ESR1: variants seen among roughly 807,000 people sequenced by gnomAD.
ESR1 encodes the protein estrogen receptor.
A neutral mutation model predicts 52.7 loss-of-function variants in ESR1; 12 were observed. That is an observed-to-expected ratio of 0.23 (90% confidence interval 0.15 to 0.37). The LOEUF (loss-of-function observed/expected upper bound fraction) is 0.37, where lower values mean the gene tolerates loss of function less well. Among genes scored for constraint, ESR1 ranks in the 10% least tolerant of loss-of-function variants. The probability of loss-of-function intolerance (pLI) is 1.00; values close to 1 mark genes in which losing one functional copy is unlikely to be tolerated. For missense variants in ESR1, 584 were observed against 779.7 expected, an observed-to-expected ratio of 0.75 and a Z score of 2.99; for synonymous variants, 305 against 316.8, an observed-to-expected ratio of 0.96 and a Z score of 0.39.
intron 4 of ESR1, among the ~76,000 whole-genome samples, chr6:151,956,027 T>A (rs2036870133): frequency 6.6e-6 from 1 of 152,206 alleles, no homozygotes; most frequent in Non-Finnish European, 1.5e-5. Context: ...TCCAATTCCA[T>A]CCATGTTCCT....
At chr6:152,112,680 G>A (rs577418388) in intron 6 of ESR1, 4 of 152,292 alleles carry the variant, frequency 2.6e-5, no homozygotes, top group Non-Finnish European at 4.4e-5. Context: ...CCCAGCCCCA[G>A]AACGAAACTC....
intron 2 of ESR1, among the ~76,000 whole-genome samples, chr6:151,728,088 C>CTT (rs144707946): frequency 0.02 from 3,001 of 152,274 alleles, 36 homozygotes; most frequent in East Asian, 0.03. Context: ...TCAGGACACT[C>CTT]ACAGCTTTGT....
intron 2 of ESR1, among the ~76,000 whole-genome samples, chr6:151,864,642 T>A (rs2128294450): frequency 6.6e-6 from 1 of 152,286 alleles, no homozygotes. Flanking sequence ...TGCACACGTA[T>A]GTTTATTGCG....
chr6:151,980,960 T>G (rs923353691), intron 4 of ESR1, among the ~76,000 whole-genome samples: 2 of 152,168 alleles, frequency 1.3e-5, no homozygotes, highest in African/African-American at 4.8e-5. Context: ...TTTTGGCCTC[T>G]CAAAGTGCTG....
At chr6:151,944,568 T>C in intron 4 of ESR1, 60 bp downstream of exon 4, 1 of 1,469,404 alleles carries the variant, frequency 6.8e-7, no homozygotes, top group Non-Finnish European at 9.5e-7. Context: ...TGTTGTGATG[T>C]CATGGGAGAA....
At chr6:152,120,839 G>A (rs772634102) in intron 6 of ESR1, among the ~76,000 whole-genome samples, 20 of 152,150 alleles carry the variant, frequency 1.3e-4, no homozygotes, top group South Asian at 2.1e-4. Flanking sequence ...AAGCACAGAC[G>A]GCAGTTTCAG....
intron 4 of ESR1, among the ~76,000 whole-genome samples, chr6:151,951,645 C>A (rs2036336366): frequency 1.3e-5 from 2 of 152,142 alleles, no homozygotes; most frequent in South Asian, 4.1e-4. Context: ...AATAGGACAT[C>A]AAAATTGTTC....
intron 3 of ESR1, among the ~76,000 whole-genome samples, chr6:151,930,143 C>A (rs142528981): frequency 2.0e-5 from 2 of 99,498 alleles, no homozygotes; most frequent in South Asian, 2.8e-4. Context: ...GCCACCATGC[C>A]CGGCTAATTT....
At chr6:151,791,281 C>T (rs1373378460) in intron 2 of ESR1, among the ~76,000 whole-genome samples, 1 of 152,106 alleles carries the variant, frequency 6.6e-6, no homozygotes, top group African/African-American at 2.4e-5. Flanking sequence ...AATTGAATCA[C>T]GGGGGCGGGT....
At chr6:151,958,451 C>T (rs1330210318) in intron 4 of ESR1, among the ~76,000 whole-genome samples, 1 of 152,130 alleles carries the variant, frequency 6.6e-6, no homozygotes, top group Non-Finnish European at 1.5e-5. Flanking sequence ...TAAGGAGTGG[C>T]GGAGCTCTGG....
rs149414986 is a variant in ESR1, at chr6:151,817,284, C to CA, written c.452+8924dup. On this transcript the variant is annotated intron_variant, in intron 1 of 7. Coordinates refer to ENST00000206249, the MANE Select transcript of ESR1 (RefSeq NM_000125.4). Reference sequence around the variant, plus strand: ...ATCAGTAGTTAAGAAAAACAACAAACAAAACAAATTTTGGGGCTTTTCTCA... The same window carrying CA: ...ATCAGTAGTTAAGAAAAACAACAAACAAAAACAAATTTTGGGGCTTTTCTCA... Among the ~76,000 whole-genome samples, 168 of 152,260 alleles carry CA rather than the reference C, an allele frequency of 1.1e-3. 4 individuals carry two copies. In the East Asian group the frequency reaches 0.029, roughly 26 times the overall value.
intron 4 of ESR1, among the ~76,000 whole-genome samples, chr6:151,950,063 A>C (rs1335276469): frequency 6.6e-6 from 1 of 152,154 alleles, no homozygotes; most frequent in Non-Finnish European, 1.5e-5. Context: ...TGATGGTGTT[A>C]AAAAGGGGAG....
intron 5 of ESR1, among the ~76,000 whole-genome samples, chr6:152,021,480 A>T (rs901443365): frequency 1.3e-5 from 2 of 152,192 alleles, no homozygotes; most frequent in African/African-American, 2.4e-5. Flanking sequence ...TTTATCAAAT[A>T]GAAAGGAGAT....
At chr6:151,968,122 C>G (rs988821737) in intron 4 of ESR1, among the ~76,000 whole-genome samples, 1 of 152,004 alleles carries the variant, frequency 6.6e-6, no homozygotes, top group African/African-American at 2.4e-5. Flanking sequence ...CACCACACAC[C>G]TACAACCATC....
At chr6:151,831,711 GTGT>G (rs1459237743) in intron 1 of ESR1, among the ~76,000 whole-genome samples, 1 of 152,114 alleles carries the variant, frequency 6.6e-6, no homozygotes, top group African/African-American at 2.4e-5. Context: ...AAAACAACTG[GTGT>G]TGTAGTAGTA....
intron 4 of ESR1, among the ~76,000 whole-genome samples, chr6:152,009,024 C>T (rs1048649803): frequency 1.3e-5 from 2 of 152,042 alleles, no homozygotes; most frequent in African/African-American, 2.4e-5. Context: ...GGAGATGTTT[C>T]CTTGAGAGCA....
Position 152,073,015 on chromosome 6 carries a change from C to T in ESR1, c.1369+11891C>T, listed in dbSNP as rs538165552. 3.9e-5 allele frequency among the ~76,000 whole-genome samples: 6 copies of T among 152,326 alleles called. No homozygotes were observed. The South Asian group carries it at 8.3e-4, about 21-fold the overall frequency. On this transcript the variant is annotated intron_variant, in intron 6 of 7. Transcript: ENST00000206249. ...GATGATGTGTTGTTCAGCTTTGAAG[C>T]TGATCTTTTGTACTTGCTTATGTAG...
chr6:151,855,477 G>A (rs919548459), intron 2 of ESR1, among the ~76,000 whole-genome samples: 7 of 152,148 alleles, frequency 4.6e-5, no homozygotes, highest in Admixed American at 1.3e-4. Context: ...AGACCTCCCT[G>A]TTGAAGTTCT....
At chr6:151,750,805 GA>G (rs199649600) in intron 2 of ESR1, among the ~76,000 whole-genome samples, 5 of 151,028 alleles carry the variant, frequency 3.3e-5, no homozygotes, top group Non-Finnish European at 5.9e-5. Flanking sequence ...TTAGAAAGTT[GA>G]AAAAAAAATC....
Sources: gnomAD v4.1 joint callset for allele counts (sites outside exome capture counted in the v4.1 genomes callset) on GRCh38, gnomAD v4.1.1 for gene constraint, MANE v1.5 for transcripts, NCBI Gene and HGNC (gene_info 2026-07-23, HGNC 2026-07-21) for gene names.